MOXD1: variants seen among roughly 807,000 people sequenced by gnomAD.
The protein encoded by MOXD1 is DBH-like monooxygenase protein 1.
MOXD1 carries 62 observed loss-of-function variants against 66.6 expected under a neutral mutation model. The ratio of observed to expected loss-of-function variants is 0.93; its 90% CI spans 0.76 to 1.15. The LOEUF (loss-of-function observed/expected upper bound fraction) is 1.15, where lower values mean the gene tolerates loss of function less well. Among genes scored for constraint, MOXD1 ranks in the 50% most tolerant of loss-of-function variants. The pLI is 0.00. For synonymous variants in MOXD1, 303 were observed against 281.9 expected, an observed-to-expected ratio of 1.07 and a Z score of -0.75; for missense variants, 847 against 754.6, an observed-to-expected ratio of 1.12 and a Z score of -1.44.
At chr6:132,366,838 A>G (rs961823755) in intron 4 of MOXD1, among the ~76,000 whole-genome samples, 1 of 152,094 alleles carries the variant, frequency 6.6e-6, no homozygotes, top group East Asian at 1.9e-4. Flanking sequence ...TGCCTACTAT[A>G]GGAAAATCAA....
rs1775227681 is a variant in MOXD1 at position 132,328,104 on chromosome 6, A to G, written c.855T>C (p.Tyr285=). Residue 285 remains tyrosine, a synonymous_variant, in exon 6 of 12, where the codon TAT becomes TAC. Coordinates refer to ENST00000367963, the MANE Select transcript of MOXD1 (RefSeq NM_015529.4). The part of the protein sequence containing the change: ...AWAIGGEGFS[Y]PPHVGLSLGT... ...CAAGGGATAATCCAACATGAGGTGG[A>G]TAAGAAAAGCCCTAAATATGGAAAA... is the stretch of plus-strand genomic sequence containing the variant. The G allele has an allele frequency of 5.6e-6, 9 of 1,613,472 alleles. No homozygotes were observed. The highest frequency in any genetic ancestry group is 7.6e-6 in the Non-Finnish European group (9 of 1,179,420).
At chr6:132,376,399 G>T (rs1288944246) in intron 1 of MOXD1, among the ~76,000 whole-genome samples, 1 of 151,772 alleles carries the variant, frequency 6.6e-6, no homozygotes, top group African/African-American at 2.4e-5. Flanking sequence ...TCCCATCCAG[G>T]GTACCACATC....
At chr6:132,300,136 G>A (rs1052759861) in intron 10 of MOXD1, among the ~76,000 whole-genome samples, 39 of 151,996 alleles carry the variant, frequency 2.6e-4, no homozygotes, top group African/African-American at 9.4e-4. Flanking sequence ...TCTTTGTTGA[G>A]TTTTAAATGC....
At chr6:132,352,838 G>A (rs9402398) in intron 4 of MOXD1, among the ~76,000 whole-genome samples, 2,320 of 152,182 alleles carry the variant, frequency 0.015, 25 homozygotes, top group Non-Finnish European at 0.025. Context: ...GTATGTTTAG[G>A]ATTGTGATAT....
chr6:132,341,966 A>C (rs181748848), intron 4 of MOXD1, among the ~76,000 whole-genome samples: 16 of 151,710 alleles, frequency 1.1e-4, no homozygotes, highest in Non-Finnish European at 2.4e-4. Context: ...CCTTACTGAA[A>C]CTCAGTTACT....
rs1774415194 is a variant in MOXD1 at position 132,296,963 on chromosome 6, T to C, written c.*190A>G. The C allele has an allele frequency of 3.9e-6, 2 of 514,756 alleles. No homozygotes were observed. The highest frequency in any genetic ancestry group is 6.8e-6 in the Non-Finnish European group (2 of 294,210). The allele number at this position is 514,756 out of a possible 1,614,324, so 31.9% of individuals were successfully genotyped here. ...TTGACCATGTATATATAACATCAGA[T>C]ATTTCTAAGAAAGAGAAGAGAACCT... On this transcript the variant is annotated 3_prime_UTR_variant, in exon 12 of 12. Coordinates refer to ENST00000367963, the MANE Select transcript of MOXD1 (RefSeq NM_015529.4).
chr6:132,388,558 C>T (rs1776695169), intron 1 of MOXD1, among the ~76,000 whole-genome samples: 2 of 151,404 alleles, frequency 1.3e-5, no homozygotes, highest in African/African-American at 4.8e-5. Flanking sequence ...TGCTGTTACT[C>T]TTCCTCCTCC....
intron 10 of MOXD1, among the ~76,000 whole-genome samples, chr6:132,308,789 A>T (rs1184296032): frequency 6.6e-6 from 1 of 152,214 alleles, no homozygotes; most frequent in African/African-American, 2.4e-5. Context: ...ATCTCAATAG[A>T]CGCACAAAAG....
intron 8 of MOXD1, 64 bp downstream of exon 8, chr6:132,322,615 A>T (rs1200010814): frequency 6.6e-7 from 1 of 1,506,994 alleles, no homozygotes. Flanking sequence ...ACCTTGCCAC[A>T]TCTCAGCAGA....
intron 1 of MOXD1, 34 bp downstream of exon 1, chr6:132,401,129 C>T (rs1269226030): frequency 1.8e-5 from 26 of 1,466,604 alleles, no homozygotes; most frequent in Admixed American, 1.3e-4. Flanking sequence ...GGACCGGGCT[C>T]GGCCGGGCGG....
chr6:132,335,742 A>G (rs1031035660), intron 4 of MOXD1, among the ~76,000 whole-genome samples: 2 of 152,168 alleles, frequency 1.3e-5, no homozygotes, highest in African/African-American at 4.8e-5. Context: ...AAATTCATAC[A>G]TCCTCAATTT....
intron 10 of MOXD1, among the ~76,000 whole-genome samples, chr6:132,298,369 C>G (rs1431616583): frequency 6.6e-6 from 1 of 152,094 alleles, no homozygotes; most frequent in East Asian, 1.9e-4. Flanking sequence ...CAGAGTCTCA[C>G]AATTCTACAT....
At chr6:132,376,787 A>G (rs1776388653) in intron 1 of MOXD1, among the ~76,000 whole-genome samples, 1 of 60,724 alleles carries the variant, frequency 1.6e-5, no homozygotes, top group Non-Finnish European at 2.4e-5. Context: ...TGCTGGGATT[A>G]CAGGCGTGAG....
chr6:132,300,277 G>T (rs1425748028), intron 10 of MOXD1, among the ~76,000 whole-genome samples: 1 of 152,248 alleles, frequency 6.6e-6, no homozygotes, highest in South Asian at 2.1e-4. Flanking sequence ...TGACAATTTT[G>T]TAGAGACACA....
chr6:132,396,634 G>A (rs548344418), intron 1 of MOXD1, among the ~76,000 whole-genome samples: 1 of 151,712 alleles, frequency 6.6e-6, no homozygotes, highest in Non-Finnish European at 1.5e-5. Flanking sequence ...CAACTTGCTA[G>A]AATAACCAAG....
chr6:132,341,452 G>A (rs867991950), intron 4 of MOXD1, among the ~76,000 whole-genome samples: 4 of 152,304 alleles, frequency 2.6e-5, no homozygotes, highest in Middle Eastern at 3.4e-3. Flanking sequence ...TTAGTAACTT[G>A]CCTTTTGGAG....
intron 4 of MOXD1, among the ~76,000 whole-genome samples, chr6:132,371,666 A>C (rs955802685): frequency 1.3e-5 from 2 of 152,186 alleles, no homozygotes; most frequent in African/African-American, 4.8e-5. Context: ...AGGCTACAGC[A>C]TTACCCCAGA....
At chr6:132,307,124 A>T (rs1562277423) in intron 10 of MOXD1, among the ~76,000 whole-genome samples, 1 of 152,236 alleles carries the variant, frequency 6.6e-6, no homozygotes, top group South Asian at 2.1e-4. Flanking sequence ...CAGGAGACGC[A>T]TCTCACGTGC....
At chr6:132,321,995 G>A (rs137956092) in intron 8 of MOXD1, among the ~76,000 whole-genome samples, 27 of 152,172 alleles carry the variant, frequency 1.8e-4, no homozygotes, top group African/African-American at 5.3e-4. Flanking sequence ...CCAGCATCAC[G>A]TAGAAAAGAT....
Sources: allele counts gnomAD v4.1 joint callset (sites outside exome capture counted in the v4.1 genomes callset), GRCh38; gene constraint gnomAD v4.1.1; transcripts MANE v1.5; gene names NCBI Gene and HGNC (gene_info 2026-07-23, HGNC 2026-07-21).